Variants in SLC1A4 observed in about 807,000 individuals in gnomAD.
SLC1A4 encodes the protein neutral amino acid transporter A.
Under a neutral mutation model 37.7 loss-of-function variants are expected in SLC1A4, and 19 were observed. That is an observed-to-expected ratio of 0.50 (90% confidence interval 0.35 to 0.74). The LOEUF (loss-of-function observed/expected upper bound fraction) is 0.74. SLC1A4 is among the 30% of genes least tolerant of loss of function. The pLI is 0.01. For missense variants in SLC1A4, 570 were observed against 712.9 expected (o/e 0.80, Z 2.28); for synonymous variants, 299 against 309.8 (o/e 0.97, Z 0.37).
chr2:65,017,951 G>A, intron 5 of SLC1A4, 120 bp from the exon 6 acceptor site: 1 of 808,630 alleles, frequency 1.2e-6, no homozygotes, highest in Admixed American at 2.6e-5. Context: ...CTTATTTCAA[G>A]AGAAGAAAGC....
rs1468017269 is a variant in SLC1A4 at position 65,001,478 on chromosome 2, A to G, written c.558A>G (p.Ala186=). 1 of 1,613,942 alleles carries G rather than the reference A, an allele frequency of 6.2e-7. No individual in the cohort carries two copies. The change falls in exon 2 of 8, where the codon GCA becomes GCG. Residue 186 remains alanine, a synonymous_variant. Transcript: ENST00000234256. The part of the protein sequence containing the change: ...RNLFPSNLVV[A]AFRTYATDYK... ...TGTTTCCCTCCAATCTTGTGGTTGCAGCTTTCCGTACGGTAAGGCTTGATA... is the reference window on the plus strand; with the variant it reads ...TGTTTCCCTCCAATCTTGTGGTTGCGGCTTTCCGTACGGTAAGGCTTGATA...
chr2:65,002,307 T>TAAATAAATAAATAAATAAATAAATAAA (rs1572951802), intron 2 of SLC1A4, among the ~76,000 whole-genome samples: 3 of 57,602 alleles, frequency 5.2e-5, no homozygotes, highest in African/African-American at 1.7e-4. Flanking sequence ...AAATAAATAA[T>TAAATAAATAAATAAATAAATAAATAAA]AAAATAAAGA....
At chr2:65,002,567 A>ATTTTTT (rs1324825931) in intron 2 of SLC1A4, among the ~76,000 whole-genome samples, 1 of 115,524 alleles carries the variant, frequency 8.7e-6, no homozygotes, top group Admixed American at 1.0e-4. Context: ...TCCTGTGACC[A>ATTTTTT]TTCTTTTTTT....
At chr2:65,019,681 C>G (rs1292322640) in intron 7 of SLC1A4, among the ~76,000 whole-genome samples, 1 of 152,200 alleles carries the variant, frequency 6.6e-6, no homozygotes, top group Non-Finnish European at 1.5e-5. Context: ...GCAAAAGAGA[C>G]CTGCATTGCG....
chr2:65,008,849 C>A (rs1385540338), intron 3 of SLC1A4, among the ~76,000 whole-genome samples: 2 of 152,232 alleles, frequency 1.3e-5, no homozygotes, highest in African/African-American at 4.8e-5. Flanking sequence ...AGCAACTTTA[C>A]ATATTAGCTA....
chr2:65,000,883 C>G (rs577291768), intron 1 of SLC1A4: 2 of 152,686 alleles, frequency 1.3e-5, no homozygotes, highest in Admixed American at 1.3e-4. Flanking sequence ...CACACTCCCC[C>G]CAATTGGGGA....
intron 3 of SLC1A4, among the ~76,000 whole-genome samples, chr2:65,008,450 C>T (rs986194802): frequency 2.0e-5 from 3 of 152,136 alleles, no homozygotes; most frequent in African/African-American, 4.8e-5. Flanking sequence ...CCGGTTTGGG[C>T]AATTTAGGGA....
upstream of SLC1A4, chr2:64,988,604 G>A (rs1474498886): frequency 1.3e-5 from 2 of 152,354 alleles, no homozygotes; most frequent in Non-Finnish European, 2.9e-5. Flanking sequence ...GGCACAGCGA[G>A]CCCCCTTTCT....
chr2:65,010,340 C>G (rs570017705), intron 3 of SLC1A4, among the ~76,000 whole-genome samples: 1 of 152,340 alleles, frequency 6.6e-6, no homozygotes, highest in South Asian at 2.1e-4. Context: ...CTACCTTCCA[C>G]TTTAACCTAT....
chr2:64,995,210 C>T (rs557957772), intron 1 of SLC1A4, among the ~76,000 whole-genome samples: 4 of 152,328 alleles, frequency 2.6e-5, no homozygotes, highest in Non-Finnish European at 4.4e-5. Context: ...CTAAAGCCAA[C>T]CACCTGGGTT....
At position 65,010,677 on chromosome 2, in the gene SLC1A4, G is replaced by T; in HGVS notation, c.714G>T (p.Lys238Asn). ...CTCTGGTGTTAGGAGTGGCCTTAAA[G>T]AAACTAGGCTCCGAAGGAGAAGACC... ...LFALVLGVAL[K>N]KLGSEGEDLI... Residue 238 changes from lysine (K) to asparagine (N), a missense_variant, in exon 4 of 8, where the codon AAG becomes AAT. By Grantham distance (94) the Lys-to-Asn change is moderately conservative. Transcript: ENST00000234256. The T allele has an allele frequency of 6.2e-7, 1 of 1,614,190 alleles. No homozygotes were observed. The highest frequency in any genetic ancestry group is 8.5e-7 in the Non-Finnish European group (1 of 1,180,024).
intron 3 of SLC1A4, among the ~76,000 whole-genome samples, chr2:65,009,173 AACATGGAGAAACCC>A (rs1231192658): frequency 1.3e-5 from 2 of 152,200 alleles, no homozygotes; most frequent in East Asian, 1.9e-4. Flanking sequence ...CAGCCTGACC[AACATGGAGAAACCC>A]ACATGGAGAA....
chr2:65,011,004 C>T (rs1673897358), intron 4 of SLC1A4, among the ~76,000 whole-genome samples: 1 of 152,240 alleles, frequency 6.6e-6, no homozygotes, highest in African/African-American at 2.4e-5. Flanking sequence ...TCAGTGTCCA[C>T]ACTGACCCCT....
chr2:65,009,412 A>G (rs1673822859), intron 3 of SLC1A4, among the ~76,000 whole-genome samples: 2 of 151,956 alleles, frequency 1.3e-5, no homozygotes, highest in Non-Finnish European at 2.9e-5. Context: ...AAGAAAGAAA[A>G]GAAAAAGAAA....
rs1674493774 is a variant in SLC1A4, at chr2:65,023,152, G to T, written c.*2006G>T. On this transcript the variant is annotated 3_prime_UTR_variant, in exon 8 of 8. Coordinates refer to ENST00000234256, the MANE Select transcript of SLC1A4 (RefSeq NM_003038.5). ...GGAAACTGGAAACTTTTCCCCGCTG[G>T]GTAGAGCATGTTGCTGATACTCTTC... 1 of 152,300 alleles carries T rather than the reference G, an allele frequency of 6.6e-6. No homozygotes were observed. Among genetic ancestry groups the T allele is most frequent in the South Asian group, 2.1e-4 (1 of 4,828 alleles). 9.4% of individuals were successfully genotyped at this position (152,300 alleles called of 1,614,324 possible). A position where few individuals can be genotyped will look rare whatever the true frequency, so the allele number is the denominator to read the frequency against.
chr2:65,005,283 G>A (rs1478378414), intron 3 of SLC1A4, among the ~76,000 whole-genome samples: 1 of 152,184 alleles, frequency 6.6e-6, no homozygotes, highest in East Asian at 1.9e-4. Context: ...CTATTTCCCA[G>A]TAAGACACCA....
chr2:65,007,199 A>G (rs1027825114), intron 3 of SLC1A4, among the ~76,000 whole-genome samples: 3 of 152,194 alleles, frequency 2.0e-5, no homozygotes, highest in Non-Finnish European at 4.4e-5. Flanking sequence ...TGTAATAAAT[A>G]AGTATATGTC....
intron 1 of SLC1A4, among the ~76,000 whole-genome samples, chr2:64,998,918 C>T (rs1041561374): frequency 1.1e-4 from 16 of 152,112 alleles, no homozygotes; most frequent in South Asian, 2.1e-4. Context: ...CTGAACTTCC[C>T]GGTCCTCATG....
In SLC1A4 at chr2:65,023,336, G is replaced by A. The variant is rs1674502911; in HGVS notation, c.*2190G>A. ...ATACACACATGTGTGTTGTGTATAT[G>A]CATGTGTGTGTGTGCGTGTGTGTAT... On this transcript the variant is annotated 3_prime_UTR_variant, in exon 8 of 8. Transcript: ENST00000234256. 2 of 124,832 alleles carry A rather than the reference G, an allele frequency of 1.6e-5. No homozygotes were observed. Among genetic ancestry groups the A allele is most frequent in the African/African-American group, 3.4e-5 (1 of 29,074 alleles). 7.7% of individuals were successfully genotyped at this position (124,832 alleles called of 1,614,324 possible).
Sources: gnomAD v4.1 joint callset for allele counts (sites outside exome capture counted in the v4.1 genomes callset) on GRCh38, gnomAD v4.1.1 for gene constraint, MANE v1.5 for transcripts, NCBI Gene and HGNC (gene_info 2026-07-23, HGNC 2026-07-21) for gene names.